WDR37: variants seen among roughly 807,000 people sequenced by gnomAD.
The protein encoded by WDR37 is WD repeat-containing protein 37.
In WDR37, 19 loss-of-function variants were observed where a neutral mutation model predicts 62.9. The observed-to-expected ratio is 0.30, with a 90% CI of 0.21 to 0.44. The LOEUF is 0.44. WDR37 is among the 20% of genes least tolerant of loss of function. The probability of loss-of-function intolerance (pLI) is 1.00; values close to 1 mark genes in which losing one functional copy is unlikely to be tolerated. For missense variants in WDR37, 474 were observed against 657.6 expected, an observed-to-expected ratio of 0.72 and a Z score of 3.05; for synonymous variants, 250 against 260.9, an observed-to-expected ratio of 0.96 and a Z score of 0.40.
chr10:1,072,801 C>T (rs568964151), intron 2 of WDR37, among the ~76,000 whole-genome samples: 1 of 152,272 alleles, frequency 6.6e-6, no homozygotes, highest in African/African-American at 2.4e-5. Context: ...GATGGGTTAG[C>T]ATATGTATAC....
intron 9 of WDR37, among the ~76,000 whole-genome samples, chr10:1,101,784 C>T (rs1160526146): frequency 1.3e-5 from 2 of 152,232 alleles, no homozygotes. Flanking sequence ...CTTACTTAAC[C>T]TTTCCTTTCC....
chr10:1,099,236 T>A (rs1834707028), intron 9 of WDR37, among the ~76,000 whole-genome samples: 1 of 152,202 alleles, frequency 6.6e-6, no homozygotes, highest in South Asian at 2.1e-4. Flanking sequence ...CTCCCTAGTT[T>A]CAATGACAGG....
At chr10:1,123,119 C>T (rs1835639072) in intron 11 of WDR37, among the ~76,000 whole-genome samples, 1 of 152,160 alleles carries the variant, frequency 6.6e-6, no homozygotes, top group Non-Finnish European at 1.5e-5. Flanking sequence ...CCTCGAGCCT[C>T]TCCCTGAGGG....
intron 2 of WDR37, chr10:1,074,442 C>T (rs762176219): frequency 3.8e-6 from 5 of 1,304,224 alleles, no homozygotes; most frequent in Admixed American, 2.3e-5. Flanking sequence ...CTCCCACGCT[C>T]GCTCCCTAGA....
At chr10:1,064,887 G>A (rs756821633) in intron 1 of WDR37, among the ~76,000 whole-genome samples, 4 of 152,104 alleles carry the variant, frequency 2.6e-5, no homozygotes, top group South Asian at 2.1e-4. Flanking sequence ...GAGCCACTGT[G>A]CCTGGCCTGA....
chr10:1,073,474 T>C (rs1833783148), intron 2 of WDR37, among the ~76,000 whole-genome samples: 1 of 152,238 alleles, frequency 6.6e-6, no homozygotes, highest in Non-Finnish European at 1.5e-5. Flanking sequence ...TGATTATGCA[T>C]TGAATAAATA....
intron 9 of WDR37, among the ~76,000 whole-genome samples, chr10:1,100,882 C>T (rs1834772755): frequency 1.3e-5 from 2 of 152,190 alleles, no homozygotes; most frequent in South Asian, 2.1e-4. Flanking sequence ...GTCTGGGGGC[C>T]TCTGCCAGCC....
chr10:1,074,274 T>C (rs769891069), intron 2 of WDR37: 94 of 1,167,748 alleles, frequency 8.0e-5, no homozygotes, highest in Non-Finnish European at 9.4e-5. Context: ...AGTTGTCTCC[T>C]GCCTGGGGTG....
intron 11 of WDR37, among the ~76,000 whole-genome samples, chr10:1,109,948 C>T (rs1052055857): frequency 6.6e-6 from 1 of 152,174 alleles, no homozygotes; most frequent in Admixed American, 6.5e-5. Flanking sequence ...TGCCCTTTCT[C>T]CCACATGGGT....
chr10:1,102,032 C>G (rs888733604), intron 9 of WDR37, among the ~76,000 whole-genome samples: 1 of 151,370 alleles, frequency 6.6e-6, no homozygotes, highest in Non-Finnish European at 1.5e-5. Flanking sequence ...GCTGTGCGTC[C>G]CTGTGACGTG....
intron 2 of WDR37, 143 bp from the exon 3 acceptor site, chr10:1,077,764 C>G: frequency 1.5e-6 from 1 of 649,914 alleles, no homozygotes; most frequent in African/African-American, 1.9e-5. Context: ...GAACTTTAAA[C>G]TCTTTAAGCA....
intron 11 of WDR37, among the ~76,000 whole-genome samples, chr10:1,120,762 A>T (rs533223921): frequency 6.6e-6 from 1 of 152,226 alleles, no homozygotes; most frequent in African/African-American, 2.4e-5. Flanking sequence ...AAGCACTCCC[A>T]TCAGCGCTTT....
rs754002122 is a variant in WDR37 at position 1,084,429 on chromosome 10, A to G, written c.423A>G (p.Thr141=). Residue 141 remains threonine (T), a synonymous_variant, in exon 6 of 14, where the codon ACA becomes ACG. Transcript: ENST00000263150. ...TTGTCTCCAGCTTTAAGACCACGAC[A>G]TCGAGAGCTGCCTGCCAGCTCGTGA... is the stretch of plus-strand genomic sequence containing the variant. The part of the protein sequence containing the change: ...SKIVSSFKTT[T]SRAACQLVKE... 5 of 1,614,022 alleles carry G rather than the reference A, an allele frequency of 3.1e-6. No homozygotes were observed. Among genetic ancestry groups the G allele is most frequent in the Non-Finnish European group, 4.2e-6 (5 of 1,179,992 alleles).
chr10:1,109,446 G>T (rs1401399404), intron 11 of WDR37, among the ~76,000 whole-genome samples: 1 of 152,216 alleles, frequency 6.6e-6, no homozygotes, highest in Non-Finnish European at 1.5e-5. Context: ...ATCTGCTTAG[G>T]CTGGGCGCGG....
At position 1,103,552 on chromosome 10, in the gene WDR37, CAA is replaced by C. The variant is rs775169515; in HGVS notation, c.727-49_727-48del. ...TTTTGTAGCTATGTCAGAAGAAACT[CAA>C]GATTTCCAGGAAATGTCTTTCTTTT... On this transcript the variant is annotated intron_variant, in intron 9 of 13. Coordinates refer to ENST00000263150, the MANE Select transcript of WDR37 (RefSeq NM_014023.4). The surrounding 1 kb of genome is among the most constrained non-coding windows in gnomAD (Gnocchi z 6.3). 6.3e-7 allele frequency: 1 copy of C among 1,588,894 alleles called. No homozygotes were observed. The highest frequency in any genetic ancestry group is 1.1e-5 in the South Asian group (1 of 90,000).
At chr10:1,089,672 TTCCCGTGCTCACCCGCAGTTCGGC>T (rs1834319461) in intron 7 of WDR37, among the ~76,000 whole-genome samples, 1 of 150,928 alleles carries the variant, frequency 6.6e-6, no homozygotes, top group Non-Finnish European at 1.5e-5. Flanking sequence ...CAGTTCGGCC[TTCCCGTGCTCACCCGCAGTTCGGC>T]CTTCCCGTGC....
intron 9 of WDR37, among the ~76,000 whole-genome samples, chr10:1,102,295 G>A (rs930707680): frequency 6.6e-6 from 1 of 151,918 alleles, no homozygotes; most frequent in Non-Finnish European, 1.5e-5. Flanking sequence ...GCGTCCCTGT[G>A]ACGTGCGTTC....
At position 1,103,636 on chromosome 10, in the gene WDR37, A is replaced by G. The variant is rs1834895953; in HGVS notation, c.761A>G (p.Lys254Arg). 4 of 1,614,232 alleles carry G rather than the reference A, an allele frequency of 2.5e-6. No individual in the cohort carries two copies. The highest frequency in any genetic ancestry group is 3.4e-6 in the Non-Finnish European group (4 of 1,180,040). ...SGEDEVECSDKDEPDLDGDVS... is the reference protein window; with the variant it reads ...SGEDEVECSDRDEPDLDGDVS... The stretch of plus-strand genomic sequence containing the variant: ...GAAGATGAAGTAGAGTGCTCTGACA[A>G]GGACGAGCCCGACCTCGATGGGGAT... The change falls in exon 10 of 14, where the codon AAG becomes AGG. Residue 254 changes from lysine to arginine, a missense_variant. By Grantham distance (26) the Lys-to-Arg change is conservative. Transcript: ENST00000263150. The surrounding 1 kb of genome is among the most constrained non-coding windows in gnomAD (Gnocchi z 6.3).
At chr10:1,123,970 C>G (rs1835664378) in intron 11 of WDR37, 1 of 475,182 alleles carries the variant, frequency 2.1e-6, no homozygotes, top group Non-Finnish European at 3.7e-6. Context: ...TCTCTTCGTT[C>G]CGTTGCCTGT....
Sources: gnomAD v4.1 joint callset for allele counts (sites outside exome capture counted in the v4.1 genomes callset) on GRCh38, gnomAD v4.1.1 for gene constraint, Gnocchi (gnomAD v3.1) non-coding constraint, MANE v1.5 for transcripts, NCBI Gene and HGNC (gene_info 2026-07-23, HGNC 2026-07-21) for gene names.